Variants in DPP10 observed in about 807,000 individuals in gnomAD.
The protein encoded by DPP10 is inactive dipeptidyl peptidase 10.
In DPP10, 33 loss-of-function variants were observed where a neutral mutation model predicts 120.9. The observed-to-expected ratio is 0.27, with a 90% CI of 0.21 to 0.37. DPP10 has a LOEUF of 0.37. DPP10 is among the 10% of genes least tolerant of loss of function. The pLI is 1.00. For missense variants in DPP10, 816 were observed against 942.8 expected, an observed-to-expected ratio of 0.87 and a Z score of 1.76; for synonymous variants, 337 against 326.1, an observed-to-expected ratio of 1.03 and a Z score of -0.36.
intron 1 of DPP10, among the ~76,000 whole-genome samples, chr2:114,663,872 A>G (rs916750158): frequency 4.0e-4 from 61 of 152,008 alleles, no homozygotes; most frequent in African/African-American, 1.3e-3. Context: ...GTTAATACAT[A>G]TAAAGTATGT....
chr2:115,013,446 C>T (rs1448937810), intron 1 of DPP10, among the ~76,000 whole-genome samples: 1 of 151,924 alleles, frequency 6.6e-6, no homozygotes, highest in Admixed American at 6.6e-5. Context: ...TCATTTCAAC[C>T]TTGGTGAATC....
intron 2 of DPP10, among the ~76,000 whole-genome samples, chr2:115,325,548 T>C (rs1396603955): frequency 1.3e-5 from 2 of 152,114 alleles, no homozygotes; most frequent in African/African-American, 4.8e-5. Context: ...TAACAAAGTA[T>C]TGAGGACCCA....
chr2:115,540,628 G>A (rs954416529), intron 5 of DPP10, among the ~76,000 whole-genome samples: 7 of 151,912 alleles, frequency 4.6e-5, no homozygotes, highest in Admixed American at 2.6e-4. Context: ...GCATAATTTT[G>A]CACCTTAAAC....
intron 7 of DPP10, among the ~76,000 whole-genome samples, chr2:115,720,982 A>G (rs898190923): frequency 9.2e-5 from 14 of 152,190 alleles, no homozygotes; most frequent in Non-Finnish European, 1.9e-4. Flanking sequence ...TCTATTAGGC[A>G]GGGAAGAAGG....
intron 1 of DPP10, among the ~76,000 whole-genome samples, chr2:114,786,947 C>A (rs1164310983): frequency 6.6e-6 from 1 of 152,102 alleles, no homozygotes; most frequent in Admixed American, 6.5e-5. Context: ...GTGCTTATTC[C>A]GCAGCATATT....
intron 1 of DPP10, among the ~76,000 whole-genome samples, chr2:115,018,222 G>A (rs980696460): frequency 2.6e-5 from 4 of 152,168 alleles, no homozygotes; most frequent in African/African-American, 9.6e-5. Context: ...ATGCTGGAGA[G>A]GATGTGGAGA....
intron 1 of DPP10, among the ~76,000 whole-genome samples, chr2:114,977,260 G>A (rs999211577): frequency 5.3e-5 from 8 of 151,852 alleles, no homozygotes; most frequent in African/African-American, 9.7e-5. Flanking sequence ...GACCAAACAC[G>A]CTTGCAAAGT....
chr2:115,478,853 A>G (rs893921988), intron 3 of DPP10, among the ~76,000 whole-genome samples: 6 of 152,212 alleles, frequency 3.9e-5, no homozygotes, highest in African/African-American at 1.4e-4. Context: ...ACAATTTGAT[A>G]CCACATCACA....
At chr2:114,497,622 A>T (rs1032152232) in intron 1 of DPP10, among the ~76,000 whole-genome samples, 1 of 152,140 alleles carries the variant, frequency 6.6e-6, no homozygotes, top group Non-Finnish European at 1.5e-5. Flanking sequence ...ATTCTCATTT[A>T]ATAATCCCAA....
At chr2:115,639,203 A>G (rs1283418337) in intron 5 of DPP10, among the ~76,000 whole-genome samples, 1 of 152,170 alleles carries the variant, frequency 6.6e-6, no homozygotes, top group African/African-American at 2.4e-5. Flanking sequence ...TATCTTATGA[A>G]AACCTTCTGA....
chr2:114,451,298 C>T (rs531623654), intron 1 of DPP10, among the ~76,000 whole-genome samples: 52 of 152,074 alleles, frequency 3.4e-4, no homozygotes, highest in Admixed American at 1.5e-3. Context: ...GCACTGGACT[C>T]GTTCTCTCAT....
intron 3 of DPP10, among the ~76,000 whole-genome samples, chr2:115,466,573 A>G (rs2074338748): frequency 6.6e-6 from 1 of 152,208 alleles, no homozygotes; most frequent in Non-Finnish European, 1.5e-5. Context: ...AATGCTGATC[A>G]TATGTACAGT....
chr2:114,521,946 T>C (rs1480377886), intron 1 of DPP10, among the ~76,000 whole-genome samples: 2 of 149,600 alleles, frequency 1.3e-5, no homozygotes, highest in East Asian at 3.9e-4. Flanking sequence ...TAGCTGGGAC[T>C]ACAGGCGCCC....
At chr2:115,576,940 TG>T (rs773600129) in intron 5 of DPP10, among the ~76,000 whole-genome samples, 3 of 152,222 alleles carry the variant, frequency 2.0e-5, no homozygotes, top group Non-Finnish European at 4.4e-5. Flanking sequence ...ACTATTATTT[TG>T]GTTTCTAACT....
intron 3 of DPP10, among the ~76,000 whole-genome samples, chr2:115,471,121 AATTT>A (rs2074687122): frequency 1.3e-5 from 2 of 152,156 alleles, no homozygotes; most frequent in South Asian, 4.1e-4. Flanking sequence ...TAAAATCCAT[AATTT>A]ATTTTCATAA....
intron 5 of DPP10, among the ~76,000 whole-genome samples, chr2:115,543,369 A>C (rs1436365426): frequency 6.6e-6 from 1 of 152,090 alleles, no homozygotes; most frequent in Non-Finnish European, 1.5e-5. Flanking sequence ...AGCTCAGGAC[A>C]TCAAAGTTGA....
chr2:115,799,328 A>C lies in DPP10; in HGVS notation c.1700+7972A>C, dbSNP rs138046378. Among the ~76,000 whole-genome samples, 37 of 152,196 alleles carry C rather than the reference A, an allele frequency of 2.4e-4. No homozygotes were observed. In the East Asian group the frequency reaches 7.0e-3, roughly 29 times the overall value. ...TGTTGAAAATTATATTGATACATAT[A>C]TGTTAATGTATAGGTTATATATATT... On this transcript the variant is annotated intron_variant, in intron 19 of 25. Transcript: ENST00000410059.
intron 5 of DPP10, among the ~76,000 whole-genome samples, chr2:115,603,564 T>TTTG (rs1186676130): frequency 1.0e-5 from 1 of 95,382 alleles, no homozygotes; most frequent in Non-Finnish European, 1.8e-5. Context: ...GTTGTTGTTT[T>TTTG]TTTTTGTTTT....
At chr2:115,339,000 A>G (rs2106230075) in intron 2 of DPP10, among the ~76,000 whole-genome samples, 1 of 152,306 alleles carries the variant, frequency 6.6e-6, no homozygotes, top group Admixed American at 6.5e-5. Context: ...CATTTTCTAA[A>G]GAGGGTGAAA....
Sources: allele counts gnomAD v4.1 joint callset (sites outside exome capture counted in the v4.1 genomes callset), GRCh38; gene constraint gnomAD v4.1.1; transcripts MANE v1.5; gene names NCBI Gene and HGNC (gene_info 2026-07-23, HGNC 2026-07-21).